The following ZNF697 variants were observed in gnomAD, a reference collection of about 807,000 sequenced individuals.
ZNF697 encodes zinc finger protein 697.
Under a neutral mutation model 32.4 loss-of-function variants are expected in ZNF697, and 23 were observed. The ratio of observed to expected loss-of-function variants is 0.71; its 90% CI spans 0.51 to 1.01. The LOEUF is 1.01. Ranked by LOEUF, ZNF697 falls within the 50% of genes least tolerant of loss-of-function variation. ZNF697 has a pLI of 0.00. For missense variants in ZNF697, 930 were observed against 794.0 expected (o/e 1.17, Z -2.06); for synonymous variants, 418 against 337.2 (o/e 1.24, Z -2.62).
At chr1:119,643,719 C>G (rs1649138064) in intron 1 of ZNF697, among the ~76,000 whole-genome samples, 1 of 152,152 alleles carries the variant, frequency 6.6e-6, no homozygotes, top group Non-Finnish European at 1.5e-5. Flanking sequence ...TTTGGCATGA[C>G]AGCAAAGGGA....
At chr1:119,630,372 T>G (rs1648726655) in intron 1 of ZNF697, among the ~76,000 whole-genome samples, 1 of 152,190 alleles carries the variant, frequency 6.6e-6, no homozygotes, top group Non-Finnish European at 1.5e-5. Flanking sequence ...CCCCAAACAT[T>G]CCACCACCAC....
Position 119,623,173 on chromosome 1 carries a change from G to A in ZNF697, c.1170C>T (p.Phe390=). 6.4e-7 allele frequency: 1 copy of A among 1,567,324 alleles called. No homozygotes were observed. Among genetic ancestry groups the A allele is most frequent in the South Asian group, 1.2e-5 (1 of 86,760 alleles). ...PHGCGECGKR[F]SWRSDLVKHQ... is the part of the protein sequence containing the mutation. ...GCTTCACCAAGTCCGAGCGCCAGCT[G>A]AAGCGCTTGCCGCACTCGCCACAGC... The change falls in exon 3 of 3, where the codon TTC becomes TTT. Residue 390 remains phenylalanine (F), a synonymous_variant. Coordinates refer to ENST00000421812, the MANE Select transcript of ZNF697 (RefSeq NM_001080470.2).
intron 1 of ZNF697, among the ~76,000 whole-genome samples, chr1:119,628,732 C>T (rs74403642): frequency 2.6e-5 from 4 of 152,156 alleles, no homozygotes; most frequent in East Asian, 1.9e-4. Context: ...GTTCCATTCA[C>T]GCCAGCACAT....
chr1:119,634,273 C>G (rs1293061325), intron 1 of ZNF697, among the ~76,000 whole-genome samples: 1 of 152,232 alleles, frequency 6.6e-6, no homozygotes, highest in Non-Finnish European at 1.5e-5. Flanking sequence ...ATCACCCCAG[C>G]TTCCCACTGT....
At chr1:119,631,153 C>A (rs587680518) in intron 1 of ZNF697, among the ~76,000 whole-genome samples, 1 of 152,338 alleles carries the variant, frequency 6.6e-6, no homozygotes, top group African/African-American at 2.4e-5. Context: ...CACCAAGTCT[C>A]CCAGCCTCTA....
At chr1:119,627,201 C>T (rs1404616331) in intron 1 of ZNF697, among the ~76,000 whole-genome samples, 1 of 152,214 alleles carries the variant, frequency 6.6e-6, no homozygotes, top group Non-Finnish European at 1.5e-5. Flanking sequence ...CAGCAGTCCC[C>T]AAACAGCAAG....
chr1:119,633,771 GCAT>G (rs988267867), intron 1 of ZNF697, among the ~76,000 whole-genome samples: 17 of 152,136 alleles, frequency 1.1e-4, no homozygotes, highest in African/African-American at 3.9e-4. Flanking sequence ...TGCAGTAATT[GCAT>G]CATATTTACG....
intron 1 of ZNF697, among the ~76,000 whole-genome samples, chr1:119,641,061 T>C (rs891947814): frequency 7.9e-5 from 12 of 152,188 alleles, no homozygotes; most frequent in Non-Finnish European, 1.5e-5. Flanking sequence ...TTAGTAAAGA[T>C]TACATGCCAT....
chr1:119,639,997 C>T (rs1649024422), intron 1 of ZNF697, among the ~76,000 whole-genome samples: 1 of 152,160 alleles, frequency 6.6e-6, no homozygotes, highest in African/African-American at 2.4e-5. Context: ...ACAACTGAAC[C>T]TACCTTATAG....
chr1:119,645,361 G>A (rs1200788861), intron 1 of ZNF697, among the ~76,000 whole-genome samples: 1 of 152,094 alleles, frequency 6.6e-6, no homozygotes. Context: ...CATCCTTTGG[G>A]CACTTGTTAG....
rs905654126 is a variant in ZNF697 at position 119,623,288 on chromosome 1, G to C, written c.1055C>G (p.Pro352Arg). The change falls in exon 3 of 3, where the codon CCC becomes CGC. Residue 352 changes from proline to arginine, a missense_variant. Physicochemically the swap from Pro to Arg is moderately radical, Grantham distance 103. Transcript: ENST00000421812. ...ASGAGAAALR[P>R]FACGECGKGF... ...CTTGCCGCACTCCCCGCAGGCGAAG[G>C]GCCGCAGCGCCGCCGCCCCCGCGCC... The C allele has an allele frequency of 1.4e-6, 2 of 1,437,978 alleles. No individual in the cohort carries two copies. The highest frequency in any genetic ancestry group is 3.0e-5 in the African/African-American group (2 of 67,142). 89.1% of individuals were successfully genotyped at this position (1,437,978 alleles called of 1,614,324 possible). A position where few individuals can be genotyped will look rare whatever the true frequency, so the allele number is the denominator to read the frequency against.
chr1:119,637,889 T>A (rs1648967754), intron 1 of ZNF697, among the ~76,000 whole-genome samples: 1 of 151,836 alleles, frequency 6.6e-6, no homozygotes, highest in South Asian at 2.1e-4. Flanking sequence ...TGAATAATAC[T>A]GAGTCCTTTG....
rs774442778 is a variant in ZNF697, at chr1:119,623,875, G to T, written c.468C>A (p.Asp156Glu). The change falls in exon 3 of 3, where the codon GAC becomes GAA. Residue 156 changes from aspartate to glutamate, a missense_variant. Coordinates refer to ENST00000421812, the MANE Select transcript of ZNF697 (RefSeq NM_001080470.2). ...GGTGGAAGCGGCGGTGGGCGGGCTTGTCACCTCGGTGCCGACTCCCCAGGG... is the reference window on the plus strand; with the variant it reads ...GGTGGAAGCGGCGGTGGGCGGGCTTTTCACCTCGGTGCCGACTCCCCAGGG... The part of the protein sequence containing the change: ...HLSLGSRHRG[D>E]KPAHRRFHRL... The T allele has an allele frequency of 1.3e-5, 20 of 1,541,950 alleles. No individual in the cohort carries two copies. The highest frequency in any genetic ancestry group is 1.7e-5 in the Non-Finnish European group (19 of 1,141,280).
intron 1 of ZNF697, among the ~76,000 whole-genome samples, chr1:119,638,177 G>A (rs922436127): frequency 6.6e-6 from 1 of 152,150 alleles, no homozygotes; most frequent in African/African-American, 2.4e-5. Context: ...CTCCTGCAAT[G>A]CCATTTTTTG....
At chr1:119,634,125 G>C (rs988268064) in intron 1 of ZNF697, among the ~76,000 whole-genome samples, 1 of 152,180 alleles carries the variant, frequency 6.6e-6, no homozygotes, top group African/African-American at 2.4e-5. Context: ...GGGGCCAGGT[G>C]ACCTCAGGAA....
rs1212878397 is a variant in ZNF697 at position 119,633,395 on chromosome 1, TAGAG to T, written c.-37-7262_-37-7259del. Among the ~76,000 whole-genome samples the T allele has an allele frequency of 1.7e-4, 24 of 143,642 alleles. 1 individual carries two copies. The highest frequency in any genetic ancestry group is 6.0e-4 in the East Asian group (3 of 4,986). The allele number at this position is 143,642 out of a possible 152,430, so 94.2% of individuals were successfully genotyped here. A position where few individuals can be genotyped will look rare whatever the true frequency, so the allele number is the denominator to read the frequency against. ...GTGTGTGTGTGTGTGTGTGTGTGTA[TAGAG>T]AGAGAGAGAGAGAGAGATTGATTTA... On this transcript the variant is annotated intron_variant, in intron 1 of 2. Coordinates refer to ENST00000421812, the MANE Select transcript of ZNF697 (RefSeq NM_001080470.2).
chr1:119,628,263 C>T (rs1039109650), intron 1 of ZNF697, among the ~76,000 whole-genome samples: 3 of 152,108 alleles, frequency 2.0e-5, no homozygotes, highest in South Asian at 2.1e-4. Flanking sequence ...TTTAGGAGTC[C>T]GATCTGGGAA....
intron 1 of ZNF697, among the ~76,000 whole-genome samples, chr1:119,634,393 G>A (rs1391001492): frequency 6.6e-6 from 1 of 152,204 alleles, no homozygotes; most frequent in Non-Finnish European, 1.5e-5. Context: ...CATTTCAGCA[G>A]TGGGTAAGTG....
intron 1 of ZNF697, among the ~76,000 whole-genome samples, chr1:119,629,755 TC>T (rs1648707425): frequency 6.6e-6 from 1 of 152,194 alleles, no homozygotes; most frequent in Admixed American, 6.5e-5. Context: ...GGTCACCTAT[TC>T]CCAGCTACGT....
Sources: gnomAD v4.1 joint callset for allele counts (sites outside exome capture counted in the v4.1 genomes callset) on GRCh38, gnomAD v4.1.1 for gene constraint, MANE v1.5 for transcripts, NCBI Gene and HGNC (gene_info 2026-07-23, HGNC 2026-07-21) for gene names.